Variants in DYNC2H1 observed in about 807,000 individuals in gnomAD.
DYNC2H1 encodes dynein cytoplasmic 2 heavy chain 1, also known as cytoplasmic dynein 2 heavy chain 1.
A neutral mutation model predicts 570.0 loss-of-function variants in DYNC2H1; 410 were observed. The observed-to-expected ratio is 0.72, with a 90% CI of 0.66 to 0.78. The LOEUF (loss-of-function observed/expected upper bound fraction) is 0.78, where lower values mean the gene tolerates loss of function less well. Among genes scored for constraint, DYNC2H1 ranks in the 30% least tolerant of loss-of-function variants. The pLI, the probability that DYNC2H1 is intolerant of heterozygous loss-of-function variation, is 0.00. For synonymous variants in DYNC2H1, 1,688 were observed against 1,677.6 expected (o/e 1.01, Z -0.15); for missense variants, 4,865 against 5,046.4 (o/e 0.96, Z 1.09).
chr11:103,416,653 T>C (rs1354147217), intron 84 of DYNC2H1, among the ~76,000 whole-genome samples: 2 of 152,104 alleles, frequency 1.3e-5, no homozygotes, highest in Non-Finnish European at 2.9e-5. Flanking sequence ...TATACAAAAG[T>C]TAACTCAATA....
rs1302471869 is a variant in DYNC2H1, at chr11:103,270,228, G to A, written c.10696-10120G>A. Among the ~76,000 whole-genome samples the A allele has an allele frequency of 3.3e-5, 5 of 150,384 alleles. No individual in the cohort carries two copies. The South Asian group carries it at 1.1e-3, about 32-fold the overall frequency. ...AAAAAAATAATAATAATAAAAGAAA[G>A]AAAATGGTTGGAAGGAAGGATTGGG... On this transcript the variant is annotated intron_variant, in intron 70 of 88. Transcript: ENST00000375735.
intron 83 of DYNC2H1, among the ~76,000 whole-genome samples, chr11:103,386,598 C>T (rs1037887689): frequency 6.6e-6 from 1 of 152,060 alleles, no homozygotes; most frequent in African/African-American, 2.4e-5. Context: ...GTGCTGCACC[C>T]ATTAACTCAT....
At chr11:103,451,324 C>CTTTTTT (rs34032894) in intron 85 of DYNC2H1, among the ~76,000 whole-genome samples, 6 of 71,008 alleles carry the variant, frequency 8.4e-5, no homozygotes, top group Non-Finnish European at 1.2e-4. Flanking sequence ...AGTAAAAGGG[C>CTTTTTT]TTTTTTTTTT....
chr11:103,381,609 T>C (rs2566941), intron 83 of DYNC2H1, among the ~76,000 whole-genome samples: 101,825 of 151,840 alleles, frequency 0.67, 34,261 homozygotes, highest in Admixed American at 0.73. Flanking sequence ...CCACCACGCC[T>C]GGCTAATTTT....
rs372153767 is a variant in DYNC2H1 at position 103,321,092 on chromosome 11, G to A, written c.11789G>A (p.Arg3930His). 70 of 1,612,590 alleles carry A rather than the reference G, an allele frequency of 4.3e-5. No individual in the cohort carries two copies. The highest frequency in any genetic ancestry group is 1.7e-4 in the Middle Eastern group (1 of 6,060). Residue 3930 changes from arginine to histidine, a missense_variant, in exon 81 of 89, where the codon CGT becomes CAT. Around this residue, in one of 5 missense-constraint regions of DYNC2H1, gnomAD observed 2,401 missense variants for 2,454.6 expected, o/e 0.98. Transcript: ENST00000375735. Reference sequence around the variant, plus strand: ...CTTGAAAATGCTATTTATGGAGGACGTATAGACAACTATTTTGACCTTAGA... The same window carrying A: ...CTTGAAAATGCTATTTATGGAGGACATATAGACAACTATTTTGACCTTAGA... ...GLLENAIYGG[R>H]IDNYFDLRVL... is the part of the protein sequence containing the mutation.
At chr11:103,178,728 G>T (rs192103932) in intron 38 of DYNC2H1, among the ~76,000 whole-genome samples, 1 of 151,972 alleles carries the variant, frequency 6.6e-6, no homozygotes, top group Non-Finnish European at 1.5e-5. Flanking sequence ...GCAAGCCTTC[G>T]TACATTCTCA....
intron 57 of DYNC2H1, among the ~76,000 whole-genome samples, chr11:103,221,577 G>A (rs893431963): frequency 4.6e-5 from 7 of 152,076 alleles, no homozygotes; most frequent in African/African-American, 1.7e-4. Flanking sequence ...TGTTGTCTAC[G>A]AAAAGTCGAT....
intron 83 of DYNC2H1, among the ~76,000 whole-genome samples, chr11:103,386,882 T>G (rs1051245179): frequency 1.3e-5 from 2 of 151,850 alleles, no homozygotes; most frequent in Non-Finnish European, 2.9e-5. Context: ...TGCCACATTT[T>G]CTTAATCCAG....
chr11:103,428,531 A>G (rs934490000), intron 84 of DYNC2H1, among the ~76,000 whole-genome samples: 4 of 152,200 alleles, frequency 2.6e-5, no homozygotes, highest in Non-Finnish European at 5.9e-5. Flanking sequence ...ACCATTTTTA[A>G]GTATACAGTT....
At chr11:103,235,393 C>T (rs1443632819) in intron 61 of DYNC2H1, among the ~76,000 whole-genome samples, 1 of 151,834 alleles carries the variant, frequency 6.6e-6, no homozygotes, top group African/African-American at 2.4e-5. Context: ...TCACATTTAA[C>T]TGTGATTGGG....
chr11:103,156,975 T>TA (rs1860865695), intron 26 of DYNC2H1, among the ~76,000 whole-genome samples: 1 of 152,226 alleles, frequency 6.6e-6, no homozygotes, highest in Admixed American at 6.5e-5. Flanking sequence ...TCTCTGTTAT[T>TA]ACCACTCTAC....
intron 83 of DYNC2H1, among the ~76,000 whole-genome samples, chr11:103,360,557 T>G (rs1284468129): frequency 6.6e-6 from 1 of 152,186 alleles, no homozygotes; most frequent in Non-Finnish European, 1.5e-5. Flanking sequence ...GGTACTTTTA[T>G]TATGAATGGT....
chr11:103,439,066 T>C lies in DYNC2H1; in HGVS notation c.12456+3034T>C, dbSNP rs1944167951. ...GCTGAATATAGAGTGGTAAACAAAATAGACATACATCTTGTTCTCCAGGAA... is the reference window on the plus strand; with the variant it reads ...GCTGAATATAGAGTGGTAAACAAAACAGACATACATCTTGTTCTCCAGGAA... On this transcript the variant is annotated intron_variant, in intron 85 of 88. Coordinates refer to ENST00000375735, the MANE Select transcript of DYNC2H1 (RefSeq NM_001377.3). This position sits in a 1 kb window ranked among gnomAD's most constrained non-coding sequence, Gnocchi z 4.1. Among the ~76,000 whole-genome samples, 1 of 152,096 alleles carries C rather than the reference T, an allele frequency of 6.6e-6. No individual in the cohort carries two copies. The highest frequency in any genetic ancestry group is 2.4e-5 in the African/African-American group (1 of 41,418).
At chr11:103,273,472 A>G (rs1325278004) in intron 70 of DYNC2H1, among the ~76,000 whole-genome samples, 2 of 152,234 alleles carry the variant, frequency 1.3e-5, no homozygotes, top group East Asian at 3.8e-4. Flanking sequence ...TACAGGCATA[A>G]GCCATGGCAC....
At chr11:103,288,367 G>T (rs184307403) in intron 75 of DYNC2H1, among the ~76,000 whole-genome samples, 108 of 152,202 alleles carry the variant, frequency 7.1e-4, no homozygotes, top group Non-Finnish European at 1.2e-3. Context: ...ACTCCATCTT[G>T]CTTCTAACCT....
At chr11:103,470,025 T>C (rs1421053818) in intron 88 of DYNC2H1, among the ~76,000 whole-genome samples, 1 of 148,170 alleles carries the variant, frequency 6.7e-6, no homozygotes, top group Non-Finnish European at 1.5e-5. Flanking sequence ...AAAAAAAAAG[T>C]AGGGCAAGTA....
chr11:103,292,608 G>T (rs1473266161), intron 75 of DYNC2H1, among the ~76,000 whole-genome samples: 1 of 152,230 alleles, frequency 6.6e-6, no homozygotes, highest in Non-Finnish European at 1.5e-5. Context: ...GTGGGGCCTG[G>T]TGGGAGGTAT....
rs1864970931 is a variant in DYNC2H1, at chr11:103,254,613, T to C, written c.10207-802T>C. On this transcript the variant is annotated intron_variant, in intron 66 of 88. Transcript: ENST00000375735. The surrounding 1 kb of genome is among the most constrained non-coding windows in gnomAD (Gnocchi z 4.9). ...AAATCTTTCCAAAGTGGCTGCACTA[T>C]TTACTTTCCCACCAGAAATATAGGA... Among the ~76,000 whole-genome samples the C allele has an allele frequency of 6.6e-6, 1 of 152,178 alleles. No individual in the cohort carries two copies. The highest frequency in any genetic ancestry group is 1.5e-5 in the Non-Finnish European group (1 of 68,034).
In DYNC2H1 at chr11:103,186,745, G is replaced by A. The variant is rs577225875; in HGVS notation, c.6893+244G>A. ...GAGAAGATACTCTTAAAAATTATCC[G>A]TCCATATAATACAGCAAAAAAAAAA... is the stretch of plus-strand genomic sequence containing the variant. On this transcript the variant is annotated intron_variant, in intron 42 of 88. Transcript: ENST00000375735. The surrounding 1 kb of genome is among the most constrained non-coding windows in gnomAD (Gnocchi z 4.5). Among the ~76,000 whole-genome samples the A allele has an allele frequency of 8.5e-4, 119 of 140,046 alleles. No homozygotes were observed. Among genetic ancestry groups the A allele is most frequent in the African/African-American group, 2.9e-3 (109 of 37,154 alleles). The allele number at this position is 140,046 out of a possible 152,430, so 91.9% of individuals were successfully genotyped here. A position where few individuals can be genotyped will look rare whatever the true frequency, so the allele number is the denominator to read the frequency against.
Sources: gnomAD v4.1 joint callset for allele counts (sites outside exome capture counted in the v4.1 genomes callset) on GRCh38, gnomAD v4.1.1 for gene constraint, gnomAD v4.1.1 regional missense constraint, Gnocchi (gnomAD v3.1) non-coding constraint, MANE v1.5 for transcripts, NCBI Gene and HGNC (gene_info 2026-07-23, HGNC 2026-07-21) for gene names.